Variants in ANKIB1 observed in about 807,000 individuals in gnomAD.
ANKIB1 encodes ankyrin repeat and IBR domain containing 1.
Under a neutral mutation model 122.1 loss-of-function variants are expected in ANKIB1, and 43 were observed. The observed-to-expected ratio is 0.35, with a 90% CI of 0.28 to 0.45. ANKIB1 has a LOEUF of 0.45. ANKIB1 is among the 20% of genes least tolerant of loss of function. The pLI is 1.00. For missense variants in ANKIB1, 992 were observed against 1,329.5 expected, an observed-to-expected ratio of 0.75 and a Z score of 3.95; for synonymous variants, 390 against 442.0, an observed-to-expected ratio of 0.88 and a Z score of 1.48.
At chr7:92,308,955 A>G (rs1409394177) in intron 3 of ANKIB1, among the ~76,000 whole-genome samples, 1 of 152,166 alleles carries the variant, frequency 6.6e-6, no homozygotes, top group Non-Finnish European at 1.5e-5. Flanking sequence ...TGTTTCCTTA[A>G]TGTTGTTCAT....
intron 2 of ANKIB1, among the ~76,000 whole-genome samples, chr7:92,298,516 A>G (rs887717471): frequency 6.6e-6 from 1 of 152,086 alleles, no homozygotes; most frequent in East Asian, 1.9e-4. Context: ...TAAGTAAGTC[A>G]TTTAGTCCAG....
intron 17 of ANKIB1, among the ~76,000 whole-genome samples, chr7:92,393,100 A>G (rs188711761): frequency 1.6e-3 from 250 of 152,212 alleles, no homozygotes; most frequent in African/African-American, 5.7e-3. Flanking sequence ...CAAATGAGGA[A>G]ATCTTTGTTT....
At chr7:92,267,862 G>A (rs555807887) in intron 1 of ANKIB1, among the ~76,000 whole-genome samples, 1 of 152,268 alleles carries the variant, frequency 6.6e-6, no homozygotes, top group East Asian at 1.9e-4. Flanking sequence ...TAGGGAAATG[G>A]TGGTATAGGA....
intron 5 of ANKIB1, among the ~76,000 whole-genome samples, chr7:92,337,146 C>T (rs1803307347): frequency 6.6e-6 from 1 of 152,166 alleles, no homozygotes; most frequent in Admixed American, 6.5e-5. Context: ...GAAATTCATT[C>T]AGTCACCAAT....
intron 1 of ANKIB1, among the ~76,000 whole-genome samples, chr7:92,284,203 C>T (rs541229699): frequency 2.2e-4 from 33 of 152,210 alleles, no homozygotes; most frequent in South Asian, 1.0e-3. Context: ...TAACAACGCA[C>T]AGAATACCTT....
At chr7:92,370,543 T>C (rs1804220339) in intron 10 of ANKIB1, among the ~76,000 whole-genome samples, 1 of 133,624 alleles carries the variant, frequency 7.5e-6, no homozygotes, top group Admixed American at 7.6e-5. Context: ...AAAAAAAAGT[T>C]GGTTAATGGG....
At chr7:92,292,832 G>C (rs1035661217) in intron 1 of ANKIB1, among the ~76,000 whole-genome samples, 1 of 152,076 alleles carries the variant, frequency 6.6e-6, no homozygotes, top group Non-Finnish European at 1.5e-5. Flanking sequence ...CCTTTAAATA[G>C]GGTGGTTATG....
At chr7:92,307,296 T>C in intron 2 of ANKIB1, 63 bp from the exon 3 acceptor site, 1 of 1,440,510 alleles carries the variant, frequency 6.9e-7, no homozygotes, top group Non-Finnish European at 9.3e-7. Context: ...TTATCTTCAA[T>C]GTATTTCAAG....
At chr7:92,330,143 G>C (rs748359266) in intron 5 of ANKIB1, among the ~76,000 whole-genome samples, 24 of 152,192 alleles carry the variant, frequency 1.6e-4, no homozygotes, top group Admixed American at 9.8e-4. Flanking sequence ...TGTGTCTTCC[G>C]AAGTCTCAGT....
intron 5 of ANKIB1, among the ~76,000 whole-genome samples, chr7:92,328,203 T>A (rs1199351464): frequency 6.6e-6 from 1 of 152,210 alleles, no homozygotes; most frequent in Non-Finnish European, 1.5e-5. Flanking sequence ...AGATTGAGCA[T>A]TGAAATCCAT....
chr7:92,249,804 GT>G (rs1801286347), intron 1 of ANKIB1, among the ~76,000 whole-genome samples: 1 of 151,580 alleles, frequency 6.6e-6, no homozygotes, highest in Non-Finnish European at 1.5e-5. Context: ...CTTTACATAC[GT>G]TATCTCATTT....
intron 1 of ANKIB1, among the ~76,000 whole-genome samples, chr7:92,258,755 C>T (rs1801501395): frequency 6.6e-6 from 1 of 151,946 alleles, no homozygotes; most frequent in South Asian, 2.1e-4. Context: ...ATCTGGCAGC[C>T]ATTTGCAGGA....
chr7:92,384,825 G>A (rs1207970339), intron 11 of ANKIB1, among the ~76,000 whole-genome samples: 1 of 152,138 alleles, frequency 6.6e-6, no homozygotes, highest in Non-Finnish European at 1.5e-5. Context: ...CATAGGCATG[G>A]ACAAGGACTT....
At chr7:92,287,448 T>C (rs781562829) in intron 1 of ANKIB1, among the ~76,000 whole-genome samples, 1 of 152,226 alleles carries the variant, frequency 6.6e-6, no homozygotes, top group Non-Finnish European at 1.5e-5. Context: ...TATGTTGATA[T>C]AAATTTTTTC....
chr7:92,393,251 T>G (rs917320897), intron 17 of ANKIB1, among the ~76,000 whole-genome samples: 1 of 152,058 alleles, frequency 6.6e-6, no homozygotes, highest in African/African-American at 2.4e-5. Context: ...GGCTTTTGTA[T>G]TGGTAGATAC....
At chr7:92,356,580 T>C (rs1261521881) in intron 9 of ANKIB1, among the ~76,000 whole-genome samples, 2 of 152,224 alleles carry the variant, frequency 1.3e-5, no homozygotes, top group Admixed American at 6.5e-5. Context: ...TACAGAGTTA[T>C]AATAATCTGG....
intron 1 of ANKIB1, among the ~76,000 whole-genome samples, chr7:92,280,000 A>G (rs773774423): frequency 6.6e-5 from 10 of 152,330 alleles, no homozygotes; most frequent in Middle Eastern, 3.4e-3. Flanking sequence ...ATGTGTATCT[A>G]CATCTGGAAA....
intron 4 of ANKIB1, among the ~76,000 whole-genome samples, chr7:92,327,007 CTG>C (rs983093317): frequency 6.6e-6 from 1 of 152,192 alleles, no homozygotes; most frequent in African/African-American, 2.4e-5. Flanking sequence ...ATACCCAAAA[CTG>C]TGCCTAAATG....
At chr7:92,282,936 T>C (rs963414089) in intron 1 of ANKIB1, among the ~76,000 whole-genome samples, 4 of 152,224 alleles carry the variant, frequency 2.6e-5, no homozygotes, top group Non-Finnish European at 4.4e-5. Flanking sequence ...TTTCTGCTTG[T>C]AGACCTCATG....
Sources: gnomAD v4.1 joint callset for allele counts (sites outside exome capture counted in the v4.1 genomes callset) on GRCh38, gnomAD v4.1.1 for gene constraint, MANE v1.5 for transcripts, NCBI Gene and HGNC (gene_info 2026-07-23, HGNC 2026-07-21) for gene names.